PLCL2: variants seen among roughly 807,000 people sequenced by gnomAD.
PLCL2 encodes the protein phospholipase C like 2, also known as inactive phospholipase C-like protein 2.
A neutral mutation model predicts 79.6 loss-of-function variants in PLCL2; 4 were observed. The observed-to-expected ratio is 0.05, with a 90% CI of 0.02 to 0.11. The LOEUF (loss-of-function observed/expected upper bound fraction) is 0.11. PLCL2 is among the 10% of genes least tolerant of loss of function. PLCL2 has a pLI of 1.00. For missense variants in PLCL2, 895 were observed against 1,291.0 expected (o/e 0.69, Z 4.70); for synonymous variants, 484 against 457.7 (o/e 1.06, Z -0.73).
chr3:16,958,899 TGTA>T (rs919663187), intron 1 of PLCL2, among the ~76,000 whole-genome samples: 2 of 152,236 alleles, frequency 1.3e-5, no homozygotes, highest in African/African-American at 4.8e-5. Context: ...CTATGACTGT[TGTA>T]GACCTTTCCC....
At chr3:17,080,596 G>A (rs745439885) in intron 5 of PLCL2, among the ~76,000 whole-genome samples, 9 of 151,962 alleles carry the variant, frequency 5.9e-5, no homozygotes, top group African/African-American at 1.4e-4. Flanking sequence ...GATTACAGTC[G>A]CCCGCCACCA....
intron 1 of PLCL2, among the ~76,000 whole-genome samples, chr3:16,975,080 G>A (rs2063910487): frequency 1.3e-5 from 2 of 152,190 alleles, no homozygotes; most frequent in African/African-American, 2.4e-5. Context: ...AGAAGAGGCA[G>A]TAAGGCATGG....
At chr3:16,906,593 C>T (rs1696757850) in intron 1 of PLCL2, among the ~76,000 whole-genome samples, 1 of 152,052 alleles carries the variant, frequency 6.6e-6, no homozygotes, top group South Asian at 2.1e-4. Flanking sequence ...AAAAGATTTA[C>T]TCTTCTGAGT....
Position 16,891,436 on chromosome 3 carries a change from T to C in PLCL2, c.327+6070T>C, listed in dbSNP as rs554326083. 2.6e-5 allele frequency among the ~76,000 whole-genome samples: 4 copies of C among 152,334 alleles called. No individual in the cohort carries two copies. In the East Asian group the frequency reaches 7.7e-4, roughly 29 times the overall value. ...AGCAGACTAACATGGCCATGCTCGT[T>C]TTGAAAGTTTTGTCTTTTGAAATAT... On this transcript the variant is annotated intron_variant, in intron 1 of 5. Coordinates refer to ENST00000615277, the MANE Select transcript of PLCL2 (RefSeq NM_001144382.2).
Position 16,945,837 on chromosome 3 carries a change from T to A in PLCL2, c.327+60471T>A, listed in dbSNP as rs535349677. ...ACTTTATGAATGAAGTAGAGACCTT[T>A]CTGACCCAAGCGCCATTTACCCATC... On this transcript the variant is annotated intron_variant, in intron 1 of 5. Coordinates refer to ENST00000615277, the MANE Select transcript of PLCL2 (RefSeq NM_001144382.2). 2.5e-4 allele frequency among the ~76,000 whole-genome samples: 38 copies of A among 152,364 alleles called. 1 individual carries two copies. Among genetic ancestry groups the A allele is most frequent in the Admixed American group, 2.0e-3 (30 of 15,302 alleles).
chr3:17,006,149 T>C (rs2064258378), intron 1 of PLCL2, among the ~76,000 whole-genome samples: 1 of 152,200 alleles, frequency 6.6e-6, no homozygotes, highest in African/African-American at 2.4e-5. Flanking sequence ...CTAACTTGCA[T>C]TACAAGGCAG....
At position 17,051,467 on chromosome 3, in the gene PLCL2, TA is replaced by T. The variant is rs574184272; in HGVS notation, c.3094+8525del. ...AAAAATTTAAAATAAAAATAAAATT[TA>T]AAAAAACCATTGAGGAGAAAGGATA... On this transcript the variant is annotated intron_variant, in intron 4 of 5. Transcript: ENST00000615277. Among the ~76,000 whole-genome samples, 22 of 152,194 alleles carry T rather than the reference TA, an allele frequency of 1.4e-4. No individual in the cohort carries two copies. The South Asian group carries it at 4.6e-3, about 32-fold the overall frequency.
At chr3:16,965,950 A>C (rs1158891677) in intron 1 of PLCL2, among the ~76,000 whole-genome samples, 1 of 152,216 alleles carries the variant, frequency 6.6e-6, no homozygotes, top group Non-Finnish European at 1.5e-5. Context: ...CTAAATACAC[A>C]TGTCATCTGC....
chr3:16,950,068 T>C (rs984572461), intron 1 of PLCL2, among the ~76,000 whole-genome samples: 1 of 152,232 alleles, frequency 6.6e-6, no homozygotes, highest in African/African-American at 2.4e-5. Context: ...GGTTTTTCGA[T>C]ATCTGGTAGG....
chr3:16,913,437 G>A (rs1388909248), intron 1 of PLCL2, among the ~76,000 whole-genome samples: 1 of 151,558 alleles, frequency 6.6e-6, no homozygotes, highest in African/African-American at 2.4e-5. Flanking sequence ...GATGTAAGGT[G>A]TGGTGTAAAA....
At chr3:16,915,573 C>G (rs963298262) in intron 1 of PLCL2, among the ~76,000 whole-genome samples, 5 of 152,108 alleles carry the variant, frequency 3.3e-5, no homozygotes, top group African/African-American at 1.2e-4. Flanking sequence ...TTCTTTGCTG[C>G]TCTCATATTT....
intron 1 of PLCL2, among the ~76,000 whole-genome samples, chr3:16,968,937 A>G (rs1023406274): frequency 5.3e-5 from 8 of 152,066 alleles, no homozygotes; most frequent in African/African-American, 1.7e-4. Context: ...AGCCTAGTTT[A>G]TGGAGGGTTT....
chr3:17,043,471 T>C (rs2064747753), intron 4 of PLCL2, among the ~76,000 whole-genome samples: 1 of 152,224 alleles, frequency 6.6e-6, no homozygotes, highest in Non-Finnish European at 1.5e-5. Context: ...ATTCTTCTTA[T>C]ATAAACAATC....
At position 17,014,803 on chromosome 3, in the gene PLCL2, C is replaced by T. The variant is rs766290779; in HGVS notation, c.2910C>T (p.Pro970=). ...CGGTGTCTCCCCGCTTTCTGGGGCC[C>T]GATAACACACCCCTAGTGGTCCTAA... The part of the protein sequence containing the change: ...MLAVSPRFLG[P]DNTPLVVLNL... Residue 970 remains proline (P), a synonymous_variant, in exon 3 of 6, where the codon CCC becomes CCT. Transcript: ENST00000615277. 13 of 1,614,042 alleles carry T rather than the reference C, an allele frequency of 8.1e-6. No homozygotes were observed. The highest frequency in any genetic ancestry group is 1.7e-5 in the Admixed American group (1 of 60,022).
At position 17,009,528 on chromosome 3, in the gene PLCL2, G is replaced by A. The variant is rs2064298025; in HGVS notation, c.328-146G>A. The A allele has an allele frequency of 7.5e-6, 4 of 533,810 alleles. No individual in the cohort carries two copies. Among genetic ancestry groups the A allele is most frequent in the African/African-American group, 7.5e-5 (4 of 53,426 alleles). 33.1% of individuals were successfully genotyped at this position (533,810 alleles called of 1,614,324 possible). On this transcript the variant is annotated intron_variant, in intron 1 of 5. Coordinates refer to ENST00000615277, the MANE Select transcript of PLCL2 (RefSeq NM_001144382.2). This position sits in a 1 kb window ranked among gnomAD's most constrained non-coding sequence, Gnocchi z 4.0. ...AAGGCCAATTCTGAGCTTTAGAGAT[G>A]AATGAGTATCATTCATCACAGGAAT...
chr3:16,934,439 G>T lies in PLCL2; in HGVS notation c.327+49073G>T, dbSNP rs117651432. 2.0e-3 allele frequency among the ~76,000 whole-genome samples: 299 copies of T among 152,292 alleles called. 7 individuals are homozygous for T. In the East Asian group the frequency reaches 0.049, roughly 25 times the overall value. On this transcript the variant is annotated intron_variant, in intron 1 of 5. Coordinates refer to ENST00000615277, the MANE Select transcript of PLCL2 (RefSeq NM_001144382.2). ...GAGAGGGAACACCAGCATGCCCAGA[G>T]ATCATCATGGCCCGTTTGAGCTTCA...
chr3:17,044,935 C>T (rs1233934931), intron 4 of PLCL2, among the ~76,000 whole-genome samples: 1 of 152,248 alleles, frequency 6.6e-6, no homozygotes, highest in Admixed American at 6.5e-5. Context: ...GGGAGAATAA[C>T]CACTGTGTAA....
rs537981998 is a variant in PLCL2 at position 17,052,260 on chromosome 3, G to GC, written c.3094+9311_3094+9312insC. On this transcript the variant is annotated intron_variant, in intron 4 of 5. Transcript: ENST00000615277. ...GCAAAAAAAAAAAAAAAAATTGGGG[G>GC]GGGGTGAAGGTCTCAGGTTATGGAT... Among the ~76,000 whole-genome samples, 47 of 150,468 alleles carry GC rather than the reference G, an allele frequency of 3.1e-4. 1 individual carries two copies. Among genetic ancestry groups the GC allele is most frequent in the South Asian group, 1.7e-3 (8 of 4,584 alleles).
At chr3:16,959,114 G>T (rs1413828152) in intron 1 of PLCL2, among the ~76,000 whole-genome samples, 3 of 152,142 alleles carry the variant, frequency 2.0e-5, no homozygotes, top group Non-Finnish European at 4.4e-5. Context: ...TTCCACTGCA[G>T]CTCCTGCTTC....
Sources: gnomAD v4.1 joint callset for allele counts (sites outside exome capture counted in the v4.1 genomes callset) on GRCh38, gnomAD v4.1.1 for gene constraint, Gnocchi (gnomAD v3.1) non-coding constraint, MANE v1.5 for transcripts, NCBI Gene and HGNC (gene_info 2026-07-23, HGNC 2026-07-21) for gene names.